Variants in SYT1 observed in about 807,000 individuals in gnomAD.
The protein encoded by SYT1 is synaptotagmin 1.
SYT1 carries 8 observed loss-of-function variants against 44.8 expected under a neutral mutation model. The observed-to-expected ratio is 0.18, with a 90% CI of 0.10 to 0.32. The LOEUF is 0.32. SYT1 is among the 10% of genes least tolerant of loss of function. The pLI, the probability that SYT1 is intolerant of heterozygous loss-of-function variation, is 1.00. For synonymous variants in SYT1, 154 were observed against 188.8 expected, an observed-to-expected ratio of 0.82 and a Z score of 1.51; for missense variants, 286 against 509.3, an observed-to-expected ratio of 0.56 and a Z score of 4.22.
intron 2 of SYT1, among the ~76,000 whole-genome samples, chr12:79,015,429 A>T (rs1343125749): frequency 6.6e-6 from 1 of 152,140 alleles, no homozygotes; most frequent in Non-Finnish European, 1.5e-5. Flanking sequence ...AGGTGTGCAC[A>T]TCAATTTATA....
At chr12:79,255,547 A>G (rs1877466027) in intron 4 of SYT1, among the ~76,000 whole-genome samples, 1 of 152,178 alleles carries the variant, frequency 6.6e-6, no homozygotes, top group African/African-American at 2.4e-5. Context: ...AACTGACTTA[A>G]TTTGGTCATA....
chr12:79,324,383 T>G (rs1881513533), intron 8 of SYT1, among the ~76,000 whole-genome samples: 1 of 152,196 alleles, frequency 6.6e-6, no homozygotes, highest in East Asian at 1.9e-4. Context: ...CATTAAGTGT[T>G]CTGCCACGAG....
At chr12:79,300,792 TA>T (rs61396879) in intron 8 of SYT1, among the ~76,000 whole-genome samples, 3,049 of 74,844 alleles carry the variant, frequency 0.041, 135 homozygotes, top group African/African-American at 0.12. Context: ...ATACTTATTA[TA>T]TATATATATA....
intron 4 of SYT1, among the ~76,000 whole-genome samples, chr12:79,271,790 A>G (rs1341741219): frequency 1.3e-5 from 2 of 152,216 alleles, no homozygotes; most frequent in South Asian, 4.1e-4. Flanking sequence ...TTGTGTTTGT[A>G]TTAATATCAG....
chr12:79,282,563 A>G (rs982146192), intron 4 of SYT1, among the ~76,000 whole-genome samples: 2 of 152,278 alleles, frequency 1.3e-5, no homozygotes, highest in African/African-American at 2.4e-5. Flanking sequence ...TATTTTGATG[A>G]GACTATTTTT....
intron 4 of SYT1, among the ~76,000 whole-genome samples, chr12:79,254,106 C>T (rs976907565): frequency 2.6e-5 from 4 of 152,146 alleles, no homozygotes; most frequent in East Asian, 1.9e-4. Flanking sequence ...ATGTCTTCCA[C>T]GTAAATAAAG....
chr12:79,138,195 G>C (rs568129908), intron 3 of SYT1, among the ~76,000 whole-genome samples: 1 of 152,184 alleles, frequency 6.6e-6, no homozygotes, highest in East Asian at 1.9e-4. Flanking sequence ...CCATCTCATA[G>C]TTCATGAAAT....
intron 3 of SYT1, among the ~76,000 whole-genome samples, chr12:79,128,332 G>A (rs1223851886): frequency 6.6e-6 from 1 of 152,102 alleles, no homozygotes; most frequent in Admixed American, 6.6e-5. Context: ...GGTTGTGGCT[G>A]CAGTGAGCCA....
intron 9 of SYT1, among the ~76,000 whole-genome samples, chr12:79,363,093 T>C (rs545619507): frequency 6.6e-5 from 10 of 152,222 alleles, no homozygotes; most frequent in African/African-American, 2.2e-4. Flanking sequence ...ATCCTTCAGT[T>C]GGCCACTTCT....
At chr12:79,028,488 T>A (rs1001296917) in intron 2 of SYT1, among the ~76,000 whole-genome samples, 2 of 151,396 alleles carry the variant, frequency 1.3e-5, no homozygotes, top group Admixed American at 1.3e-4. Flanking sequence ...TTACAGAGAC[T>A]GTAAACACTA....
intron 1 of SYT1, among the ~76,000 whole-genome samples, chr12:78,907,779 T>C (rs1219287023): frequency 6.6e-6 from 1 of 152,036 alleles, no homozygotes; most frequent in Non-Finnish European, 1.5e-5. Context: ...AATGTGAGTT[T>C]GCCTATGCTT....
chr12:79,247,059 T>C (rs1168039080), intron 4 of SYT1, among the ~76,000 whole-genome samples: 1 of 152,162 alleles, frequency 6.6e-6, no homozygotes, highest in Admixed American at 6.5e-5. Context: ...ATAAAGGTTT[T>C]TTTAATCTAG....
rs537480544 is a variant in SYT1, at chr12:78,869,942, A to G, written c.-217+4833A>G. Among the ~76,000 whole-genome samples, 13 of 152,194 alleles carry G rather than the reference A, an allele frequency of 8.5e-5. No homozygotes were observed. In the South Asian group the frequency reaches 2.5e-3, roughly 29 times the overall value. ...ACACATAGTATGTTTTATGTTTAAC[A>G]TTATTACTTATGCACATAAAAAGGC... On this transcript the variant is annotated intron_variant, in intron 1 of 10. Transcript: ENST00000261205.
At chr12:78,925,522 T>C (rs1011077889) in intron 1 of SYT1, among the ~76,000 whole-genome samples, 11 of 152,060 alleles carry the variant, frequency 7.2e-5, no homozygotes, top group African/African-American at 2.6e-4. Context: ...TTTCCTCCCA[T>C]GCTTGTTAGT....
intron 3 of SYT1, among the ~76,000 whole-genome samples, chr12:79,186,098 A>G (rs974375471): frequency 4.6e-5 from 7 of 151,866 alleles, no homozygotes; most frequent in Admixed American, 4.6e-4. Flanking sequence ...ACATCTTCTA[A>G]AACTTTCCTC....
chr12:79,179,105 TA>T (rs1592824466), intron 3 of SYT1, among the ~76,000 whole-genome samples: 12 of 123,000 alleles, frequency 9.8e-5, no homozygotes, highest in African/African-American at 3.3e-4. Context: ...GATATAGATA[TA>T]TAGATATAGA....
intron 3 of SYT1, among the ~76,000 whole-genome samples, chr12:79,204,434 G>A (rs1454786161): frequency 6.6e-6 from 1 of 152,218 alleles, no homozygotes; most frequent in Non-Finnish European, 1.5e-5. Flanking sequence ...AGTGCCTGCA[G>A]CTCAGAAACA....
intron 3 of SYT1, among the ~76,000 whole-genome samples, chr12:79,053,876 GA>G (rs1302582312): frequency 6.6e-6 from 1 of 151,618 alleles, no homozygotes; most frequent in African/African-American, 2.4e-5. Context: ...TGATCATCCA[GA>G]AAAAAAATTC....
Position 79,093,489 on chromosome 12 carries a change from CTT to C in SYT1, c.-18+46128_-18+46129del, listed in dbSNP as rs1339183755. Among the ~76,000 whole-genome samples, 3 of 151,742 alleles carry C rather than the reference CTT, an allele frequency of 2.0e-5. No individual in the cohort carries two copies. In the East Asian group the frequency reaches 5.8e-4, roughly 29 times the overall value. On this transcript the variant is annotated intron_variant, in intron 3 of 10. Transcript: ENST00000261205. ...ATAAAATGCAAAATCTATCAATACT[CTT>C]GTTTTTAAAAGAGAAGACCAAAGTT...
Sources: gnomAD v4.1 joint callset for allele counts (sites outside exome capture counted in the v4.1 genomes callset) on GRCh38, gnomAD v4.1.1 for gene constraint, MANE v1.5 for transcripts, NCBI Gene and HGNC (gene_info 2026-07-23, HGNC 2026-07-21) for gene names.